The following FMNL2 variants were observed in gnomAD, a reference collection of about 807,000 sequenced individuals.
FMNL2 encodes formin-like protein 2.
FMNL2 carries 51 observed loss-of-function variants against 130.2 expected under a neutral mutation model. The ratio of observed to expected loss-of-function variants is 0.39; its 90% confidence interval spans 0.31 to 0.49. The LOEUF (loss-of-function observed/expected upper bound fraction) is 0.49. FMNL2 is among the 20% of genes least tolerant of loss of function. The pLI, the probability that FMNL2 is intolerant of heterozygous loss-of-function variation, is 0.85. For synonymous variants in FMNL2, 465 were observed against 467.1 expected, an observed-to-expected ratio of 1.00 and a Z score of 0.06; for missense variants, 977 against 1,316.2, an observed-to-expected ratio of 0.74 and a Z score of 3.99.
chr2:152,423,763 T>C (rs1328537496), intron 1 of FMNL2, among the ~76,000 whole-genome samples: 1 of 152,064 alleles, frequency 6.6e-6, no homozygotes, highest in Non-Finnish European at 1.5e-5. Flanking sequence ...GCTTTTGAGG[T>C]CCCTTACCTG....
At chr2:152,611,703 G>A in intron 11 of FMNL2, 98 bp downstream of exon 11, 1 of 743,332 alleles carries the variant, frequency 1.3e-6, no homozygotes. Context: ...AATGCCTAAA[G>A]CTCTATGCAG....
chr2:152,615,546 C>T (rs1698903713), intron 12 of FMNL2, among the ~76,000 whole-genome samples: 2 of 152,162 alleles, frequency 1.3e-5, no homozygotes, highest in South Asian at 2.1e-4. Context: ...TCCTCAGTAT[C>T]GTTGTCAGCT....
intron 1 of FMNL2, among the ~76,000 whole-genome samples, chr2:152,494,945 G>A (rs1214499682): frequency 1.3e-5 from 2 of 152,142 alleles, no homozygotes; most frequent in African/African-American, 4.8e-5. Context: ...AGGACAAGTA[G>A]AGTAGAAAAT....
intron 1 of FMNL2, among the ~76,000 whole-genome samples, chr2:152,509,909 C>T (rs1264842013): frequency 3.3e-5 from 5 of 151,282 alleles, no homozygotes; most frequent in African/African-American, 1.2e-4. Flanking sequence ...CACACCTGGC[C>T]AATTAAAAAA....
At chr2:152,371,368 C>T (rs1041485084) in intron 1 of FMNL2, among the ~76,000 whole-genome samples, 1 of 127,884 alleles carries the variant, frequency 7.8e-6, no homozygotes, top group African/African-American at 3.0e-5. Context: ...CCTTCCAAAA[C>T]TCATGTCGAA....
rs184120191 is a variant in FMNL2, at chr2:152,489,761, T to C, written c.118-32182T>C. Reference sequence around the variant, plus strand: ...ACTTCATTGATTATAGTGAACACTTTATAGACTGAAACAAGTCTAAGAAAA... The same window carrying C: ...ACTTCATTGATTATAGTGAACACTTCATAGACTGAAACAAGTCTAAGAAAA... On this transcript the variant is annotated intron_variant, in intron 1 of 25. Transcript: ENST00000288670. Among the ~76,000 whole-genome samples, 382 of 152,326 alleles carry C rather than the reference T, an allele frequency of 2.5e-3. 4 individuals are homozygous for C. The highest frequency in any genetic ancestry group is 8.6e-3 in the African/African-American group (358 of 41,570).
intron 1 of FMNL2, among the ~76,000 whole-genome samples, chr2:152,511,173 A>G (rs1314972466): frequency 6.6e-6 from 1 of 152,194 alleles, no homozygotes; most frequent in African/African-American, 2.4e-5. Flanking sequence ...CCCAATAACA[A>G]TAAACAAAGG....
intron 1 of FMNL2, among the ~76,000 whole-genome samples, chr2:152,459,214 CT>C (rs1689110307): frequency 6.6e-6 from 1 of 152,214 alleles, no homozygotes; most frequent in African/African-American, 2.4e-5. Flanking sequence ...GAACTCTCTG[CT>C]TTCAGTGCTC....
chr2:152,388,710 TTC>T (rs1182261310), intron 1 of FMNL2, among the ~76,000 whole-genome samples: 4 of 152,220 alleles, frequency 2.6e-5, no homozygotes, highest in Non-Finnish European at 4.4e-5. Flanking sequence ...ATTGGTGATT[TTC>T]TAATACTATT....
chr2:152,561,807 A>G (rs1216285608), intron 6 of FMNL2, among the ~76,000 whole-genome samples: 1 of 151,998 alleles, frequency 6.6e-6, no homozygotes, highest in African/African-American at 2.4e-5. Flanking sequence ...CGAACTCCTG[A>G]CCTCAGGTGA....
intron 2 of FMNL2, among the ~76,000 whole-genome samples, chr2:152,540,036 G>C (rs1030832286): frequency 2.0e-5 from 3 of 152,116 alleles, no homozygotes; most frequent in Non-Finnish European, 2.9e-5. Flanking sequence ...GCTGCAGTGA[G>C]CTGTGATTGT....
chr2:152,515,820 G>A (rs1179206961), intron 1 of FMNL2, among the ~76,000 whole-genome samples: 2 of 152,158 alleles, frequency 1.3e-5, no homozygotes, highest in Admixed American at 6.6e-5. Flanking sequence ...ATACCAGTCC[G>A]TCAATAAATG....
chr2:152,432,344 A>G (rs1357637420), intron 1 of FMNL2, among the ~76,000 whole-genome samples: 2 of 152,192 alleles, frequency 1.3e-5, no homozygotes, highest in Admixed American at 1.3e-4. Context: ...TTTTGCAATA[A>G]TTCAAAGCAG....
intron 1 of FMNL2, among the ~76,000 whole-genome samples, chr2:152,399,885 C>T (rs561602551): frequency 6.6e-6 from 1 of 152,140 alleles, no homozygotes; most frequent in Non-Finnish European, 1.5e-5. Context: ...GAGTGCTGAG[C>T]AAAACTGTGT....
intron 1 of FMNL2, among the ~76,000 whole-genome samples, chr2:152,431,964 T>TAAAAAAAA (rs1332535927): frequency 2.2e-5 from 1 of 45,096 alleles, no homozygotes. Flanking sequence ...AACCCTATCT[T>TAAAAAAAA]TAAAAAAAAA....
In FMNL2 at chr2:152,642,224, G is replaced by A. The variant is rs71417233; in HGVS notation, c.3169+1310G>A. Among the ~76,000 whole-genome samples, 1,333 of 152,322 alleles carry A rather than the reference G, an allele frequency of 8.8e-3. 6 individuals carry two copies. The highest frequency in any genetic ancestry group is 0.02 in the Middle Eastern group (6 of 294). On this transcript the variant is annotated intron_variant, in intron 25 of 25. Coordinates refer to ENST00000288670, the MANE Select transcript of FMNL2 (RefSeq NM_052905.4). ...CAAAGTGCTGGGATTACAGGCGTGA[G>A]CCACCATGCCCAGCCTGTCTCATTT...
At chr2:152,336,222 G>T (rs565087885) in intron 1 of FMNL2, among the ~76,000 whole-genome samples, 3 of 152,282 alleles carry the variant, frequency 2.0e-5, no homozygotes, top group Non-Finnish European at 4.4e-5. Context: ...CGCCGCGCCG[G>T]GCGGTGAGCG....
At chr2:152,342,354 T>C (rs1681859803) in intron 1 of FMNL2, among the ~76,000 whole-genome samples, 1 of 152,196 alleles carries the variant, frequency 6.6e-6, no homozygotes, top group Admixed American at 6.5e-5. Context: ...AACAAAGCAT[T>C]GAATCCTTAT....
At position 152,380,251 on chromosome 2, in the gene FMNL2, A is replaced by G. The variant is rs200276899; in HGVS notation, c.117+44531A>G. 1.6e-4 allele frequency among the ~76,000 whole-genome samples: 24 copies of G among 152,336 alleles called. No homozygotes were observed. In the East Asian group the frequency reaches 3.9e-3, roughly 24 times the overall value. On this transcript the variant is annotated intron_variant, in intron 1 of 25. Coordinates refer to ENST00000288670, the MANE Select transcript of FMNL2 (RefSeq NM_052905.4). The stretch of plus-strand genomic sequence containing the variant: ...AAATACTGTACTGATTGAATGAAAC[A>G]TTTTTTACAAATGTGTTTGAACCAA...
Sources: gnomAD v4.1 joint callset for allele counts (sites outside exome capture counted in the v4.1 genomes callset) on GRCh38, gnomAD v4.1.1 for gene constraint, MANE v1.5 for transcripts, NCBI Gene and HGNC (gene_info 2026-07-23, HGNC 2026-07-21) for gene names.